PTPRT: variants seen among roughly 807,000 people sequenced by gnomAD.
PTPRT encodes the protein receptor-type tyrosine-protein phosphatase T.
Under a neutral mutation model 176.8 loss-of-function variants are expected in PTPRT, and 56 were observed. The observed-to-expected ratio is 0.32, with a 90% confidence interval of 0.26 to 0.40. The LOEUF (loss-of-function observed/expected upper bound fraction) is 0.40, where lower values mean the gene tolerates loss of function less well. PTPRT is among the 10% of genes least tolerant of loss of function. The pLI, the probability that PTPRT is intolerant of heterozygous loss-of-function variation, is 1.00. For missense variants in PTPRT, 1,540 were observed against 1,908.2 expected, an observed-to-expected ratio of 0.81 and a Z score of 3.60; for synonymous variants, 783 against 739.0, an observed-to-expected ratio of 1.06 and a Z score of -0.96.
chr20:42,735,092 T>A (rs1236576199), intron 6 of PTPRT, among the ~76,000 whole-genome samples: 1 of 152,220 alleles, frequency 6.6e-6, no homozygotes, highest in Non-Finnish European at 1.5e-5. Context: ...TTAGTTATTA[T>A]CAACATGTGT....
At chr20:42,550,080 C>G (rs1416248380) in intron 7 of PTPRT, among the ~76,000 whole-genome samples, 2 of 152,100 alleles carry the variant, frequency 1.3e-5, no homozygotes, top group African/African-American at 4.8e-5. Flanking sequence ...TATAGAATGA[C>G]CACTCTGTAT....
chr20:42,721,749 C>T (rs556786668), intron 6 of PTPRT, among the ~76,000 whole-genome samples: 34 of 152,338 alleles, frequency 2.2e-4, no homozygotes, highest in African/African-American at 7.9e-4. Context: ...CAAGGAAATC[C>T]CTGCTGCCAT....
intron 8 of PTPRT, among the ~76,000 whole-genome samples, chr20:42,448,919 A>G (rs1488301621): frequency 6.6e-6 from 1 of 151,908 alleles, no homozygotes; most frequent in African/African-American, 2.4e-5. Context: ...ATGAATTTGT[A>G]TTGGGCCACA....
intron 2 of PTPRT, among the ~76,000 whole-genome samples, chr20:42,862,976 G>A (rs2078687136): frequency 1.3e-5 from 2 of 152,162 alleles, no homozygotes; most frequent in Admixed American, 6.5e-5. Context: ...CAAAGCATAT[G>A]CACTTCTACT....
intron 12 of PTPRT, among the ~76,000 whole-genome samples, chr20:42,307,983 T>C (rs1304669087): frequency 6.6e-6 from 1 of 152,186 alleles, no homozygotes; most frequent in Non-Finnish European, 1.5e-5. Context: ...TGCATCAGCA[T>C]GCTAAAAGCC....
chr20:42,468,153 T>TG (rs2071131717), intron 8 of PTPRT, among the ~76,000 whole-genome samples: 1 of 152,244 alleles, frequency 6.6e-6, no homozygotes, highest in South Asian at 2.1e-4. Context: ...TCAAATGCAC[T>TG]GAGGTGCTGA....
At chr20:42,603,994 T>C (rs964362292) in intron 7 of PTPRT, among the ~76,000 whole-genome samples, 13 of 152,288 alleles carry the variant, frequency 8.5e-5, no homozygotes, top group Admixed American at 2.6e-4. Context: ...AACATATTTG[T>C]AGAAGCAAAT....
intron 8 of PTPRT, among the ~76,000 whole-genome samples, chr20:42,450,434 C>T (rs2070807926): frequency 6.6e-6 from 1 of 152,180 alleles, no homozygotes; most frequent in African/African-American, 2.4e-5. Context: ...TTTTAGAATA[C>T]TGGAGAGTAC....
chr20:42,217,871 T>C (rs2055810593), intron 15 of PTPRT, among the ~76,000 whole-genome samples: 1 of 152,256 alleles, frequency 6.6e-6, no homozygotes, highest in South Asian at 2.1e-4. Context: ...GATACTACCA[T>C]GTGCTTAGTA....
At chr20:42,270,717 C>G (rs6130094) in intron 13 of PTPRT, among the ~76,000 whole-genome samples, 7,602 of 152,206 alleles carry the variant, frequency 0.05, 299 homozygotes, top group East Asian at 0.12. Context: ...TATAATGTTT[C>G]TAAGATTTAG....
At chr20:42,935,330 A>G (rs1980121082) in intron 1 of PTPRT, among the ~76,000 whole-genome samples, 1 of 151,682 alleles carries the variant, frequency 6.6e-6, no homozygotes, top group East Asian at 1.9e-4. Flanking sequence ...TGTAAAGACA[A>G]GGTCTTGCTA....
chr20:42,169,660 T>C (rs1407035713), intron 16 of PTPRT, among the ~76,000 whole-genome samples: 1 of 150,908 alleles, frequency 6.6e-6, no homozygotes, highest in East Asian at 2.0e-4. Flanking sequence ...AGAAACAAGA[T>C]AATATGAGGT....
chr20:42,715,798 C>T (rs1342154738), intron 6 of PTPRT, among the ~76,000 whole-genome samples: 4 of 152,102 alleles, frequency 2.6e-5, no homozygotes, highest in Non-Finnish European at 5.9e-5. Context: ...ACAGACTTAG[C>T]GTAAATTTTG....
chr20:42,412,545 T>C (rs2059028444), intron 9 of PTPRT, among the ~76,000 whole-genome samples: 1 of 152,124 alleles, frequency 6.6e-6, no homozygotes, highest in Non-Finnish European at 1.5e-5. Flanking sequence ...GAAAATCAAA[T>C]CCTGGATATT....
intron 7 of PTPRT, among the ~76,000 whole-genome samples, chr20:42,487,651 A>G (rs6093657): frequency 0.12 from 18,342 of 152,218 alleles, 1,218 homozygotes; most frequent in East Asian, 0.2. Flanking sequence ...AACAGCAAGC[A>G]AAGGCATAGA....
intron 2 of PTPRT, among the ~76,000 whole-genome samples, chr20:42,798,234 G>T (rs960011044): frequency 1.3e-5 from 2 of 152,124 alleles, no homozygotes; most frequent in Non-Finnish European, 2.9e-5. Flanking sequence ...CTGAATTGTT[G>T]TTCCTATACT....
chr20:42,238,762 A>G (rs924832654), intron 14 of PTPRT, among the ~76,000 whole-genome samples: 5 of 152,154 alleles, frequency 3.3e-5, no homozygotes, highest in African/African-American at 1.2e-4. Context: ...ACCAAGGTGG[A>G]TGGCATAGAT....
intron 7 of PTPRT, among the ~76,000 whole-genome samples, chr20:42,524,440 C>T (rs1378631590): frequency 2.0e-5 from 3 of 152,112 alleles, no homozygotes; most frequent in African/African-American, 7.2e-5. Flanking sequence ...TTCCTTCTCT[C>T]TTCATTTTGC....
rs76308053 is a variant in PTPRT at position 42,337,195 on chromosome 20, A to G, written c.1865+13433T>C. 3.7e-3 allele frequency among the ~76,000 whole-genome samples: 560 copies of G among 152,304 alleles called. 17 individuals are homozygous for G. The highest frequency in any genetic ancestry group is 0.025 in the Admixed American group (386 of 15,286). ...CTCTACAGTTAGACTCACCATTAGC[A>G]AAGTCAAGCCTCACCTGGAAGTCAT... is the stretch of plus-strand genomic sequence containing the variant. On this transcript the variant is annotated intron_variant, in intron 11 of 30. Transcript: ENST00000373187.
Sources: allele counts gnomAD v4.1 joint callset (sites outside exome capture counted in the v4.1 genomes callset), GRCh38; gene constraint gnomAD v4.1.1; transcripts MANE v1.5; gene names NCBI Gene and HGNC (gene_info 2026-07-23, HGNC 2026-07-21).